The following CNOT4 variants were observed in gnomAD, a reference collection of about 807,000 sequenced individuals.
CNOT4 encodes CCR4-NOT transcription complex subunit 4.
A neutral mutation model predicts 73.8 loss-of-function variants in CNOT4; 8 were observed. The observed-to-expected ratio is 0.11, with a 90% CI of 0.06 to 0.20. The LOEUF is 0.20. Among genes scored for constraint, CNOT4 ranks in the 10% least tolerant of loss-of-function variants. CNOT4 has a pLI of 1.00. For synonymous variants in CNOT4, 293 were observed against 321.1 expected, an observed-to-expected ratio of 0.91 and a Z score of 0.94; for missense variants, 564 against 883.4, an observed-to-expected ratio of 0.64 and a Z score of 4.58.
At chr7:135,387,716 T>C (rs1796192099) in intron 10 of CNOT4, 1 of 984,304 alleles carries the variant, frequency 1.0e-6, no homozygotes. Context: ...TACAGTTTCT[T>C]TTCCTTTATT....
At chr7:135,500,543 C>G (rs1803891257) in intron 1 of CNOT4, among the ~76,000 whole-genome samples, 2 of 152,012 alleles carry the variant, frequency 1.3e-5, no homozygotes, top group Non-Finnish European at 2.9e-5. Flanking sequence ...GATGTTTAAC[C>G]AGACCTGTTT....
Position 135,438,332 on chromosome 7 carries a change from C to A in CNOT4, c.-1G>T. The A allele has an allele frequency of 6.3e-7, 1 of 1,591,700 alleles. No individual in the cohort carries two copies. The highest frequency in any genetic ancestry group is 1.1e-5 in the South Asian group (1 of 87,078). ...CCTTCGCATCAGGACTGCGAGACAT[C>A]TTCACGTTTATTAAACAGCAGCAAA... On this transcript the variant is annotated 5_prime_UTR_variant, in exon 2 of 12. Transcript: ENST00000541284.
chr7:135,411,820 A>G (rs1289238822), intron 6 of CNOT4, among the ~76,000 whole-genome samples: 1 of 151,988 alleles, frequency 6.6e-6, no homozygotes, highest in Non-Finnish European at 1.5e-5. Context: ...TGCACAATGC[A>G]TCGTTCCCTG....
At chr7:135,429,929 G>A (rs1286446120) in intron 2 of CNOT4, among the ~76,000 whole-genome samples, 1 of 152,180 alleles carries the variant, frequency 6.6e-6, no homozygotes, top group Non-Finnish European at 1.5e-5. Context: ...AATTAGAAGA[G>A]GCTGAGACAA....
intron 1 of CNOT4, among the ~76,000 whole-genome samples, chr7:135,504,193 A>G (rs529090973): frequency 7.9e-5 from 12 of 151,986 alleles, no homozygotes; most frequent in Non-Finnish European, 1.3e-4. Context: ...GAAATGCTCC[A>G]CCCCTTTGAA....
At chr7:135,429,879 T>C (rs7785419) in intron 2 of CNOT4, among the ~76,000 whole-genome samples, 3,042 of 152,278 alleles carry the variant, frequency 0.02, 108 homozygotes, top group African/African-American at 0.069. Context: ...GGTACTGGGT[T>C]CAAGAGTCAT....
intron 1 of CNOT4, among the ~76,000 whole-genome samples, chr7:135,472,024 T>C (rs1801612423): frequency 6.6e-6 from 1 of 151,788 alleles, no homozygotes; most frequent in Admixed American, 6.6e-5. Context: ...AATACAAAAA[T>C]TAGCCAGGTG....
rs1185617544 is a variant in CNOT4 at position 135,362,567 on chromosome 7, T to C, written c.*318A>G. The C allele has an allele frequency of 2.2e-6, 1 of 455,014 alleles. No individual in the cohort carries two copies. Among genetic ancestry groups the C allele is most frequent in the South Asian group, 2.1e-5 (1 of 46,874 alleles). 28.2% of individuals were successfully genotyped at this position (455,014 alleles called of 1,614,324 possible). A position where few individuals can be genotyped will look rare whatever the true frequency, so the allele number is the denominator to read the frequency against. ...TTCTGCTAAGCAGATTATGTCATTA[T>C]TATGCGCAACAGACAAACAATAATT... is the stretch of plus-strand genomic sequence containing the variant. On this transcript the variant is annotated 3_prime_UTR_variant, in exon 12 of 12. Coordinates refer to ENST00000541284, the MANE Select transcript of CNOT4 (RefSeq NM_001190850.2).
chr7:135,406,473 A>G (rs762291768), intron 7 of CNOT4, among the ~76,000 whole-genome samples: 5 of 152,002 alleles, frequency 3.3e-5, no homozygotes, highest in Non-Finnish European at 5.9e-5. Flanking sequence ...CAGCCTGGGC[A>G]ACATGGTGAA....
At chr7:135,503,077 C>T (rs1804105237) in intron 1 of CNOT4, among the ~76,000 whole-genome samples, 1 of 152,002 alleles carries the variant, frequency 6.6e-6, no homozygotes, top group Admixed American at 6.6e-5. Context: ...CGCTTGAACC[C>T]AGAAAGCAGA....
intron 1 of CNOT4, among the ~76,000 whole-genome samples, chr7:135,498,566 TG>T (rs973766023): frequency 6.6e-6 from 1 of 152,228 alleles, no homozygotes; most frequent in African/African-American, 2.4e-5. Context: ...TGTTTGTTTT[TG>T]AGACGGACTC....
chr7:135,470,752 T>G (rs1187620788), intron 1 of CNOT4, among the ~76,000 whole-genome samples: 1 of 152,178 alleles, frequency 6.6e-6, no homozygotes, highest in Non-Finnish European at 1.5e-5. Flanking sequence ...AATTATGCCA[T>G]TTATATAAAA....
intron 2 of CNOT4, among the ~76,000 whole-genome samples, chr7:135,434,309 G>A (rs769387654): frequency 5.9e-5 from 9 of 152,180 alleles, no homozygotes; most frequent in African/African-American, 1.9e-4. Flanking sequence ...TTTATCTTGC[G>A]CTGCGCTGAG....
chr7:135,490,375 T>C (rs994419583), intron 1 of CNOT4, among the ~76,000 whole-genome samples: 6 of 152,182 alleles, frequency 3.9e-5, no homozygotes, highest in Admixed American at 1.3e-4. Flanking sequence ...GGGGCAAATG[T>C]AGACACAGGA....
In CNOT4 at chr7:135,362,488, C is replaced by A; in HGVS notation, c.*397G>T. On this transcript the variant is annotated 3_prime_UTR_variant, in exon 12 of 12. Coordinates refer to ENST00000541284, the MANE Select transcript of CNOT4 (RefSeq NM_001190850.2). ...CACGTAAATGAACCTGGTTTTCAAA[C>A]TTCTGCAGTTGATAATGCATTTACT... The A allele has an allele frequency of 3.1e-6, 1 of 323,902 alleles. No homozygotes were observed. The highest frequency in any genetic ancestry group is 5.9e-6 in the Non-Finnish European group (1 of 168,310). 20.1% of individuals were successfully genotyped at this position (323,902 alleles called of 1,614,324 possible).
chr7:135,460,589 T>TA (rs1800817271), intron 1 of CNOT4, among the ~76,000 whole-genome samples: 1 of 152,074 alleles, frequency 6.6e-6, no homozygotes, highest in Non-Finnish European at 1.5e-5. Flanking sequence ...AAAACAGCTA[T>TA]AATAGTAACA....
At chr7:135,440,789 C>T (rs368022590) in intron 1 of CNOT4, among the ~76,000 whole-genome samples, 1 of 152,004 alleles carries the variant, frequency 6.6e-6, no homozygotes, top group East Asian at 1.9e-4. Flanking sequence ...CGTGGTGGCA[C>T]ATGCCTGTAT....
At chr7:135,396,971 G>A (rs1585582033) in intron 8 of CNOT4, among the ~76,000 whole-genome samples, 1 of 151,738 alleles carries the variant, frequency 6.6e-6, no homozygotes, top group East Asian at 1.9e-4. Flanking sequence ...TTTGTTTCAT[G>A]GTTTTTAAAA....
Position 135,417,458 on chromosome 7 carries a change from A to G in CNOT4, c.373-2196T>C, listed in dbSNP as rs370842234. Among the ~76,000 whole-genome samples, 7 of 152,216 alleles carry G rather than the reference A, an allele frequency of 4.6e-5. No homozygotes were observed. The East Asian group carries it at 1.4e-3, about 29-fold the overall frequency. Reference sequence around the variant, plus strand: ...AATTATATTATCAAGAAGTCATTTCATGAAAGTCAAGGGGTGTTACATTCG... The same window carrying G: ...AATTATATTATCAAGAAGTCATTTCGTGAAAGTCAAGGGGTGTTACATTCG... On this transcript the variant is annotated intron_variant, in intron 3 of 11. Coordinates refer to ENST00000541284, the MANE Select transcript of CNOT4 (RefSeq NM_001190850.2).
Sources: gnomAD v4.1 joint callset for allele counts (sites outside exome capture counted in the v4.1 genomes callset) on GRCh38, gnomAD v4.1.1 for gene constraint, MANE v1.5 for transcripts, NCBI Gene and HGNC (gene_info 2026-07-23, HGNC 2026-07-21) for gene names.